SPPL3: variants seen among roughly 807,000 people sequenced by gnomAD.
The protein encoded by SPPL3 is signal peptide peptidase-like 3.
Under a neutral mutation model 42.4 loss-of-function variants are expected in SPPL3, and 5 were observed. The ratio of observed to expected loss-of-function variants is 0.12; its 90% CI spans 0.06 to 0.25. The LOEUF is 0.25. SPPL3 is among the 10% of genes least tolerant of loss of function. SPPL3 has a pLI of 1.00. For missense variants in SPPL3, 235 were observed against 489.0 expected (o/e 0.48, Z 4.90); for synonymous variants, 195 against 181.8 (o/e 1.07, Z -0.58).
Position 120,764,577 on chromosome 12 carries a change from A to G in SPPL3, c.*422T>C, listed in dbSNP as rs1868806418. The G allele has an allele frequency of 3.4e-6, 1 of 289,858 alleles. No homozygotes were observed. Among genetic ancestry groups the G allele is most frequent in the Non-Finnish European group, 6.3e-6 (1 of 158,132 alleles). 18.0% of individuals were successfully genotyped at this position (289,858 alleles called of 1,614,324 possible). A position where few individuals can be genotyped will look rare whatever the true frequency, so the allele number is the denominator to read the frequency against. ...AGTCCCCTATAGGAAACTGGTCCCA[A>G]AGTTCTCGAGGGGTCATTGAAGAAA... is the stretch of plus-strand genomic sequence containing the variant. On this transcript the variant is annotated 3_prime_UTR_variant, in exon 11 of 11. Transcript: ENST00000353487.
At chr12:120,775,318 A>AT (rs1308450785) in intron 6 of SPPL3, among the ~76,000 whole-genome samples, 2 of 151,912 alleles carry the variant, frequency 1.3e-5, no homozygotes, top group East Asian at 3.9e-4. Flanking sequence ...ACCTTGGTTA[A>AT]TTTTTTTATT....
chr12:120,803,754 T>C (rs1030883095), intron 2 of SPPL3, among the ~76,000 whole-genome samples: 1 of 152,092 alleles, frequency 6.6e-6, no homozygotes, highest in African/African-American at 2.4e-5. Context: ...AATTCTTAAA[T>C]ATATAAAAAA....
chr12:120,869,656 C>T (rs1872861201), intron 1 of SPPL3, among the ~76,000 whole-genome samples: 1 of 152,168 alleles, frequency 6.6e-6, no homozygotes, highest in Non-Finnish European at 1.5e-5. Context: ...TTTAAAAATC[C>T]TTTGCTTGCT....
intron 10 of SPPL3, 21 bp downstream of exon 10, chr12:120,766,242 G>GT (rs1868900886): frequency 1.9e-6 from 3 of 1,547,958 alleles, no homozygotes; most frequent in Non-Finnish European, 2.6e-6. Context: ...GCTTTCACAG[G>GT]TTTATAACTG....
Position 120,767,612 on chromosome 12 carries a change from G to C in SPPL3, c.774-19C>G. 1 of 1,612,892 alleles carries C rather than the reference G, an allele frequency of 6.2e-7. No individual in the cohort carries two copies. The highest frequency in any genetic ancestry group is 8.5e-7 in the Non-Finnish European group (1 of 1,178,996). ...AGTGGAGCTGGAATGCAGTTTCACA[G>C]GTTAGTGACGTCACACTCTACAATC... On this transcript the variant is annotated intron_variant, in intron 8 of 10. Transcript: ENST00000353487.
chr12:120,901,814 C>G, intron 1 of SPPL3: 1 of 815,762 alleles, frequency 1.2e-6, no homozygotes, highest in Non-Finnish European at 1.5e-6. Context: ...TCAAACTTCA[C>G]AAAGTAATCC....
intron 6 of SPPL3, among the ~76,000 whole-genome samples, chr12:120,773,263 A>G (rs1317023150): frequency 2.0e-5 from 3 of 152,260 alleles, no homozygotes; most frequent in Non-Finnish European, 4.4e-5. Context: ...GGACATTACC[A>G]GGGAGCAGCT....
rs1405027021 is a variant in SPPL3, at chr12:120,852,681, C to T, written c.24-41795G>A. Among the ~76,000 whole-genome samples, 5 of 27,138 alleles carry T rather than the reference C, an allele frequency of 1.8e-4. 2 individuals carry two copies. Among genetic ancestry groups the T allele is most frequent in the African/African-American group, 3.4e-4 (5 of 14,924 alleles). 17.8% of individuals were successfully genotyped at this position (27,138 alleles called of 152,430 possible). A position where few individuals can be genotyped will look rare whatever the true frequency, so the allele number is the denominator to read the frequency against. Reference sequence around the variant, plus strand: ...ATATTTTACATATATGAAATATATGCATATATAATATACATATTTTACATA... The same window carrying T: ...ATATTTTACATATATGAAATATATGTATATATAATATACATATTTTACATA... On this transcript the variant is annotated intron_variant, in intron 1 of 10. Transcript: ENST00000353487.
chr12:120,789,128 T>A (rs1038277390), intron 3 of SPPL3, among the ~76,000 whole-genome samples: 2 of 152,230 alleles, frequency 1.3e-5, no homozygotes, highest in Non-Finnish European at 2.9e-5. Flanking sequence ...TTGTCAAGGA[T>A]AATTTAGTAC....
rs1489972792 is a variant in SPPL3, at chr12:120,810,825, C to T, written c.85G>A (p.Val29Ile). ...ATATCTTACCTGAAACTACCATAGA[C>T]TATAAGAAGAATGGAAATCAGAAAT... is the stretch of plus-strand genomic sequence containing the variant. Reference protein sequence around the residue: ...STFLISILLIVYGSFRSLNMD... With the variant: ...STFLISILLIIYGSFRSLNMD... The change falls in exon 2 of 11, where the codon GTC (valine) becomes ATC (isoleucine). Residue 29 changes from valine (V) to isoleucine (I), a missense_variant. Physicochemically the swap from Val to Ile is conservative, Grantham distance 29. Around this residue, in one of 6 missense-constraint regions of SPPL3, gnomAD observed 110 missense variants for 186.2 expected, o/e 0.59. Coordinates refer to ENST00000353487, the MANE Select transcript of SPPL3 (RefSeq NM_139015.5). 1.9e-6 allele frequency: 3 copies of T among 1,611,538 alleles called. No individual in the cohort carries two copies. The highest frequency in any genetic ancestry group is 2.5e-6 in the Non-Finnish European group (3 of 1,177,986).
rs145478025 is a variant in SPPL3, at chr12:120,862,965, C to G, written c.23+40880G>C. ...GACTTCTCATGAATAACAAAAGATGCTCCTCTCTCCTCTATCACGAAATTC... is the reference window on the plus strand; with the variant it reads ...GACTTCTCATGAATAACAAAAGATGGTCCTCTCTCCTCTATCACGAAATTC... On this transcript the variant is annotated intron_variant, in intron 1 of 10. Transcript: ENST00000353487. 1.7e-3 allele frequency among the ~76,000 whole-genome samples: 261 copies of G among 152,280 alleles called. 2 individuals are homozygous for G. Among genetic ancestry groups the G allele is most frequent in the African/African-American group, 6.0e-3 (251 of 41,544 alleles).
At chr12:120,785,583 T>C (rs929729860) in intron 3 of SPPL3, among the ~76,000 whole-genome samples, 1 of 152,076 alleles carries the variant, frequency 6.6e-6, no homozygotes, top group Non-Finnish European at 1.5e-5. Flanking sequence ...ACCAGTTTTA[T>C]CTTGTCTCAC....
intron 1 of SPPL3, among the ~76,000 whole-genome samples, chr12:120,859,824 T>C (rs1044461934): frequency 2.0e-5 from 3 of 152,050 alleles, no homozygotes; most frequent in Non-Finnish European, 4.4e-5. Context: ...GCACCTGTAC[T>C]CCCAGCTACT....
In SPPL3 at chr12:120,803,161, G is replaced by A. The variant is rs531262878; in HGVS notation, c.101+7648C>T. On this transcript the variant is annotated intron_variant, in intron 2 of 10. Transcript: ENST00000353487. ...ACATTCTTTCTTTTTAAATCTGGCT[G>A]CTACAAAGCTTATGGTGGTCCTTGT... is the stretch of plus-strand genomic sequence containing the variant. Among the ~76,000 whole-genome samples, 7 of 152,310 alleles carry A rather than the reference G, an allele frequency of 4.6e-5. No individual in the cohort carries two copies. The South Asian group carries it at 1.4e-3, about 32-fold the overall frequency.
intron 1 of SPPL3, among the ~76,000 whole-genome samples, chr12:120,864,089 C>G (rs1039859487): frequency 6.6e-6 from 1 of 152,172 alleles, no homozygotes; most frequent in East Asian, 1.9e-4. Flanking sequence ...CTGAATGGAT[C>G]CTTACCCATG....
intron 1 of SPPL3, among the ~76,000 whole-genome samples, chr12:120,821,134 T>C (rs1192285305): frequency 6.6e-6 from 1 of 152,242 alleles, no homozygotes; most frequent in African/African-American, 2.4e-5. Context: ...AAAGATGATC[T>C]GGAGTAATTT....
intron 6 of SPPL3, among the ~76,000 whole-genome samples, chr12:120,772,078 A>G (rs1424640748): frequency 6.6e-6 from 1 of 152,150 alleles, no homozygotes; most frequent in Non-Finnish European, 1.5e-5. Context: ...CTGCAGTACA[A>G]TGGTGCAATC....
At chr12:120,879,793 G>C (rs1270249953) in intron 1 of SPPL3, among the ~76,000 whole-genome samples, 1 of 151,896 alleles carries the variant, frequency 6.6e-6, no homozygotes, top group African/African-American at 2.4e-5. Flanking sequence ...TACATTTCAG[G>C]GGACTGATTT....
intron 3 of SPPL3, among the ~76,000 whole-genome samples, chr12:120,786,901 G>T (rs1869738999): frequency 6.6e-6 from 1 of 152,146 alleles, no homozygotes; most frequent in Non-Finnish European, 1.5e-5. Context: ...GCCATAATTA[G>T]GAGGACATAT....
Sources: allele counts gnomAD v4.1 joint callset (sites outside exome capture counted in the v4.1 genomes callset), GRCh38; gene constraint gnomAD v4.1.1; regional missense constraint gnomAD v4.1.1; transcripts MANE v1.5; gene names NCBI Gene and HGNC (gene_info 2026-07-23, HGNC 2026-07-21).